The following KANK4 variants were observed in gnomAD, a reference collection of about 807,000 sequenced individuals.
KANK4 encodes KN motif and ankyrin repeat domains 4, also known as KN motif and ankyrin repeat domain-containing protein 4.
KANK4 carries 50 observed loss-of-function variants against 80.8 expected under a neutral mutation model. The ratio of observed to expected loss-of-function variants is 0.62; its 90% CI spans 0.49 to 0.78. The LOEUF is 0.78. Ranked by LOEUF, KANK4 falls within the 30% of genes least tolerant of loss-of-function variation. KANK4 has a pLI of 0.00. For missense variants in KANK4, 1,196 were observed against 1,240.1 expected (o/e 0.96, Z 0.53); for synonymous variants, 465 against 506.9 (o/e 0.92, Z 1.11).
In KANK4 at chr1:62,309,290, T is replaced by C. The variant is rs60698717; in HGVS notation, c.-71+9816A>G. 1.8e-3 allele frequency among the ~76,000 whole-genome samples: 276 copies of C among 152,240 alleles called. 2 individuals are homozygous for C. The highest frequency in any genetic ancestry group is 6.4e-3 in the African/African-American group (265 of 41,542). On this transcript the variant is annotated intron_variant, in intron 1 of 9. Coordinates refer to ENST00000371153, the MANE Select transcript of KANK4 (RefSeq NM_181712.5). ...CTCCACCTTCATGACCTAAGTTACCTCCCAAAGATTGCATGTCCTAATACC... is the reference window on the plus strand; with the variant it reads ...CTCCACCTTCATGACCTAAGTTACCCCCCAAAGATTGCATGTCCTAATACC...
chr1:62,275,624 G>A (rs17123324), intron 2 of KANK4, among the ~76,000 whole-genome samples: 10,224 of 152,178 alleles, frequency 0.067, 895 homozygotes, highest in African/African-American at 0.2. Context: ...GAGTTATGCC[G>A]TTTACATTAT....
intron 9 of KANK4, among the ~76,000 whole-genome samples, chr1:62,242,107 G>A (rs1228732651): frequency 6.6e-6 from 1 of 152,078 alleles, no homozygotes; most frequent in Non-Finnish European, 1.5e-5. Flanking sequence ...GCCTCTGCTC[G>A]ACAACACTCC....
Position 62,274,449 on chromosome 1 carries a change from G to A in KANK4, c.655C>T (p.Arg219Ter), listed in dbSNP as rs547606335. The A allele has an allele frequency of 8.7e-6, 14 of 1,614,190 alleles. No homozygotes were observed. Among genetic ancestry groups the A allele is most frequent in the South Asian group, 5.5e-5 (5 of 91,086 alleles). The change falls in exon 3 of 10, where the codon CGA (arginine) becomes TGA (stop). Residue 219 changes from arginine to a stop codon, truncating the protein, a stop_gained. Transcript: ENST00000371153. LOFTEE classifies it high-confidence loss of function. ...GLAGFHSSSP[R>*]ASTRIPELVQ... ...AGCTCTGGAATCCGAGTTGATGCTC[G>A]TGGGCTGGAGCTGTGGAAACCTGCC...
At chr1:62,285,272 C>A (rs747954773) in intron 1 of KANK4, among the ~76,000 whole-genome samples, 1 of 152,168 alleles carries the variant, frequency 6.6e-6, no homozygotes, top group Non-Finnish European at 1.5e-5. Flanking sequence ...AAGAAGTGGT[C>A]ACTTGGCAGA....
At chr1:62,264,300 C>G (rs2149133801) in intron 6 of KANK4, among the ~76,000 whole-genome samples, 1 of 152,218 alleles carries the variant, frequency 6.6e-6, no homozygotes, top group Admixed American at 6.5e-5. Flanking sequence ...GCCTGTAATC[C>G]CAGCTACTCA....
chr1:62,302,606 A>G (rs1644421013), intron 1 of KANK4, among the ~76,000 whole-genome samples: 1 of 152,050 alleles, frequency 6.6e-6, no homozygotes, highest in African/African-American at 2.4e-5. Context: ...TGTCCTCATA[A>G]AAAAGTCCCC....
chr1:62,263,463 T>G, intron 6 of KANK4, 152 bp from the exon 7 acceptor site: 1 of 678,972 alleles, frequency 1.5e-6, no homozygotes, highest in Non-Finnish European at 2.6e-6. Context: ...CTGGTGGGGT[T>G]AGGAATGCAG....
intron 7 of KANK4, among the ~76,000 whole-genome samples, 200 bp from the exon 8 acceptor site, chr1:62,253,409 C>CTTTATT: frequency 9.0e-6 from 1 of 110,968 alleles, no homozygotes; most frequent in African/African-American, 3.4e-5. Flanking sequence ...TTCTTTCTTT[C>CTTTATT]TTTTTTTTTT....
intron 9 of KANK4, among the ~76,000 whole-genome samples, chr1:62,245,499 C>T (rs987630672): frequency 6.6e-6 from 1 of 152,160 alleles, no homozygotes. Flanking sequence ...TGACTCTCTT[C>T]CCCTCTCCAG....
chr1:62,302,960 C>T (rs17123413), intron 1 of KANK4, among the ~76,000 whole-genome samples: 3,003 of 152,066 alleles, frequency 0.02, 91 homozygotes, highest in African/African-American at 0.068. Flanking sequence ...GAAGAGAAGG[C>T]TTTCAAAGTT....
chr1:62,282,192 CA>C (rs1260214679), intron 1 of KANK4, among the ~76,000 whole-genome samples: 1 of 152,118 alleles, frequency 6.6e-6, no homozygotes, highest in African/African-American at 2.4e-5. Context: ...ATGGGCAGAA[CA>C]AGGGGAAGTT....
intron 1 of KANK4, among the ~76,000 whole-genome samples, chr1:62,296,273 A>G (rs991946783): frequency 1.3e-5 from 2 of 152,094 alleles, no homozygotes; most frequent in African/African-American, 4.8e-5. Flanking sequence ...GCCGTTCCCC[A>G]ACATCCTTAT....
chr1:62,282,568 G>A (rs756649559), intron 1 of KANK4, among the ~76,000 whole-genome samples: 1 of 152,210 alleles, frequency 6.6e-6, no homozygotes, highest in Non-Finnish European at 1.5e-5. Context: ...AAAGGATGAT[G>A]GGTGGCCCCC....
rs988071310 is a variant in KANK4, at chr1:62,245,178, C to T, written c.2883+2294G>A. Among the ~76,000 whole-genome samples the T allele has an allele frequency of 1.8e-4, 27 of 152,016 alleles. 1 individual carries two copies. The highest frequency in any genetic ancestry group is 2.1e-4 in the South Asian group (1 of 4,828). On this transcript the variant is annotated intron_variant, in intron 9 of 9. Transcript: ENST00000371153. ...TCCAGATTAAGGGCTGCCTCCTTCT[C>T]CCCCAGGACAACCCAGCAGGGAGCT...
chr1:62,279,124 A>G (rs887607677), intron 2 of KANK4, among the ~76,000 whole-genome samples: 1 of 152,072 alleles, frequency 6.6e-6, no homozygotes, highest in South Asian at 2.1e-4. Flanking sequence ...GAGGAGGGCA[A>G]GTGAGGCTGA....
chr1:62,310,021 A>T (rs1644485399), intron 1 of KANK4, among the ~76,000 whole-genome samples: 1 of 152,202 alleles, frequency 6.6e-6, no homozygotes, highest in Admixed American at 6.5e-5. Flanking sequence ...GAAGAAGAGG[A>T]TTAAGTCAGG....
At chr1:62,297,793 A>G (rs1644378971) in intron 1 of KANK4, among the ~76,000 whole-genome samples, 1 of 152,260 alleles carries the variant, frequency 6.6e-6, no homozygotes, top group African/African-American at 2.4e-5. Flanking sequence ...TTTTCAAGTA[A>G]TCTTTGAAAG....
At chr1:62,277,681 AG>A (rs898998000) in intron 2 of KANK4, among the ~76,000 whole-genome samples, 1 of 152,180 alleles carries the variant, frequency 6.6e-6, no homozygotes, top group African/African-American at 2.4e-5. Context: ...GGTCAAGTGG[AG>A]GGAGGGAAGG....
chr1:62,263,476 A>C, intron 6 of KANK4, 165 bp from the exon 7 acceptor site: 1 of 656,022 alleles, frequency 1.5e-6, no homozygotes, highest in Non-Finnish European at 2.7e-6. Context: ...GAATGCAGCA[A>C]CATACTTTGT....
Sources: allele counts gnomAD v4.1 joint callset (sites outside exome capture counted in the v4.1 genomes callset), GRCh38; gene constraint gnomAD v4.1.1; transcripts MANE v1.5; gene names NCBI Gene and HGNC (gene_info 2026-07-23, HGNC 2026-07-21).